COL8A1: variants seen among roughly 807,000 people sequenced by gnomAD.
COL8A1 encodes the protein collagen type VIII alpha 1 chain, also known as collagen alpha-1(VIII) chain.
In COL8A1, 21 loss-of-function variants were observed where a neutral mutation model predicts 42.7. That is an observed-to-expected ratio of 0.49 (90% CI 0.35 to 0.71). The LOEUF (loss-of-function observed/expected upper bound fraction) is 0.71, where lower values mean the gene tolerates loss of function less well. Among genes scored for constraint, COL8A1 ranks in the 30% least tolerant of loss-of-function variants. The pLI is 0.01. For synonymous variants in COL8A1, 367 were observed against 369.1 expected, an observed-to-expected ratio of 0.99 and a Z score of 0.06; for missense variants, 788 against 962.4, an observed-to-expected ratio of 0.82 and a Z score of 2.40.
At chr3:99,683,971 G>A (rs1195617287) in intron 1 of COL8A1, among the ~76,000 whole-genome samples, 1 of 152,112 alleles carries the variant, frequency 6.6e-6, no homozygotes, top group Non-Finnish European at 1.5e-5. Context: ...TGAAGTTTTA[G>A]TTTGTTTGTT....
At chr3:99,756,167 C>G (rs564948365) in intron 2 of COL8A1, among the ~76,000 whole-genome samples, 1 of 151,554 alleles carries the variant, frequency 6.6e-6, no homozygotes, top group South Asian at 2.1e-4. Flanking sequence ...TAGATAAGTA[C>G]GAATACCATT....
intron 1 of COL8A1, among the ~76,000 whole-genome samples, chr3:99,671,539 A>G (rs1158527001): frequency 1.3e-5 from 2 of 152,030 alleles, no homozygotes; most frequent in East Asian, 1.9e-4. Context: ...ATTATGATGT[A>G]CAATAGATCC....
At chr3:99,647,234 G>C (rs896541328) in intron 1 of COL8A1, among the ~76,000 whole-genome samples, 2 of 152,060 alleles carry the variant, frequency 1.3e-5, no homozygotes, top group Non-Finnish European at 2.9e-5. Flanking sequence ...GATATTCTAC[G>C]GAACAGCTTA....
chr3:99,749,692 A>C (rs1941100137), intron 2 of COL8A1, among the ~76,000 whole-genome samples: 1 of 152,198 alleles, frequency 6.6e-6, no homozygotes, highest in African/African-American at 2.4e-5. Context: ...TCATAAAGCA[A>C]AGGTCTTATG....
intron 1 of COL8A1, among the ~76,000 whole-genome samples, chr3:99,698,504 G>A (rs1939444007): frequency 6.6e-6 from 1 of 152,190 alleles, no homozygotes; most frequent in African/African-American, 2.4e-5. Context: ...GTCAGAGAAG[G>A]ATCTAGAGTA....
chr3:99,780,493 G>A (rs1181769758), intron 2 of COL8A1, among the ~76,000 whole-genome samples: 1 of 152,140 alleles, frequency 6.6e-6, no homozygotes, highest in Non-Finnish European at 1.5e-5. Flanking sequence ...AGGAGGCCCT[G>A]AAAGGTTTAC....
At chr3:99,731,558 G>T (rs1484759660) in intron 1 of COL8A1, among the ~76,000 whole-genome samples, 1 of 152,100 alleles carries the variant, frequency 6.6e-6, no homozygotes, top group Non-Finnish European at 1.5e-5. Flanking sequence ...ATGGGGACTG[G>T]GGTACAGAAG....
chr3:99,749,709 A>T (rs1416755232), intron 2 of COL8A1, among the ~76,000 whole-genome samples: 2 of 152,222 alleles, frequency 1.3e-5, no homozygotes, highest in Non-Finnish European at 2.9e-5. Context: ...TATGTAAAAA[A>T]AAATTAAAAA....
intron 1 of COL8A1, among the ~76,000 whole-genome samples, chr3:99,684,164 C>A (rs1938977759): frequency 6.6e-6 from 1 of 152,172 alleles, no homozygotes; most frequent in African/African-American, 2.4e-5. Flanking sequence ...GCCACCGAAT[C>A]AAATTTAGAG....
intron 1 of COL8A1, among the ~76,000 whole-genome samples, chr3:99,648,700 A>G (rs753549305): frequency 5.3e-5 from 8 of 152,172 alleles, no homozygotes; most frequent in Non-Finnish European, 1.0e-4. Context: ...TCTTAAGGCA[A>G]TAGAAATTTC....
chr3:99,769,475 CT>C (rs1425579124), intron 2 of COL8A1, among the ~76,000 whole-genome samples: 1 of 152,238 alleles, frequency 6.6e-6, no homozygotes, highest in Non-Finnish European at 1.5e-5. Context: ...AAGGCAGGGA[CT>C]TCAGAGGGCT....
At chr3:99,695,557 C>A (rs1405781005) in intron 1 of COL8A1, among the ~76,000 whole-genome samples, 1 of 151,876 alleles carries the variant, frequency 6.6e-6, no homozygotes. Flanking sequence ...GATGTTCTTT[C>A]TTCTCCTTCC....
chr3:99,666,181 C>T (rs74283836), intron 1 of COL8A1, among the ~76,000 whole-genome samples: 1,657 of 152,278 alleles, frequency 0.011, 78 homozygotes, highest in Admixed American at 0.09. Flanking sequence ...GGCTGCATGG[C>T]TTCCAAGGTG....
chr3:99,702,382 C>T (rs1291665436), intron 1 of COL8A1, among the ~76,000 whole-genome samples: 1 of 152,190 alleles, frequency 6.6e-6, no homozygotes, highest in African/African-American at 2.4e-5. Flanking sequence ...AGGTCTTAAC[C>T]ATTATTGTCA....
intron 2 of COL8A1, among the ~76,000 whole-genome samples, chr3:99,783,412 G>A (rs984948701): frequency 6.6e-6 from 1 of 152,152 alleles, no homozygotes; most frequent in Non-Finnish European, 1.5e-5. Flanking sequence ...TATAATTTAG[G>A]CTGTTTTACA....
chr3:99,714,044 C>T (rs1939921170), intron 1 of COL8A1, among the ~76,000 whole-genome samples: 1 of 151,994 alleles, frequency 6.6e-6, no homozygotes, highest in African/African-American at 2.4e-5. Flanking sequence ...CACAACCAAC[C>T]CGGGAGTTTA....
chr3:99,786,088 C>T (rs1000857455), intron 2 of COL8A1, among the ~76,000 whole-genome samples: 1 of 152,018 alleles, frequency 6.6e-6, no homozygotes, highest in African/African-American at 2.4e-5. Context: ...GGACTCTTTC[C>T]TTTTTTCCCC....
chr3:99,726,367 T>C (rs1022247234), intron 1 of COL8A1, among the ~76,000 whole-genome samples: 23 of 151,728 alleles, frequency 1.5e-4, no homozygotes, highest in African/African-American at 4.8e-4. Context: ...AGGCTACCTG[T>C]TCACTCTGAT....
In COL8A1 at chr3:99,683,489, C is replaced by A. The variant is rs189398508; in HGVS notation, c.-129+44825C>A. On this transcript the variant is annotated intron_variant, in intron 1 of 3. Transcript: ENST00000652472. ...TGAAAATGGAAATAAGTTTTTGTTT[C>A]ATTTAGATGTAGAAAGACCTATAAT... Among the ~76,000 whole-genome samples the A allele has an allele frequency of 5.3e-5, 8 of 152,198 alleles. No homozygotes were observed. The East Asian group carries it at 1.4e-3, about 26-fold the overall frequency.
Sources: gnomAD v4.1 joint callset for allele counts (sites outside exome capture counted in the v4.1 genomes callset) on GRCh38, gnomAD v4.1.1 for gene constraint, MANE v1.5 for transcripts, NCBI Gene and HGNC (gene_info 2026-07-23, HGNC 2026-07-21) for gene names.